Variants in PTPN12 observed in about 807,000 individuals in gnomAD.
PTPN12 encodes protein tyrosine phosphatase non-receptor type 12.
Under a neutral mutation model 97.6 loss-of-function variants are expected in PTPN12, and 29 were observed. The observed-to-expected ratio is 0.30, with a 90% CI of 0.22 to 0.41. The LOEUF (loss-of-function observed/expected upper bound fraction) is 0.41, where lower values mean the gene tolerates loss of function less well. Ranked by LOEUF, PTPN12 falls within the 10% of genes least tolerant of loss-of-function variation. The pLI, the probability that PTPN12 is intolerant of heterozygous loss-of-function variation, is 1.00. For missense variants in PTPN12, 819 were observed against 926.0 expected, an observed-to-expected ratio of 0.88 and a Z score of 1.50; for synonymous variants, 327 against 300.4, an observed-to-expected ratio of 1.09 and a Z score of -0.91.
At position 77,639,537 on chromosome 7, in the gene PTPN12, T is replaced by C. The variant is rs763272822; in HGVS notation, c.*257T>C. 2.4e-6 allele frequency: 1 copy of C among 413,262 alleles called. No individual in the cohort carries two copies. Among genetic ancestry groups the C allele is most frequent in the Non-Finnish European group, 4.3e-6 (1 of 232,498 alleles). The allele number at this position is 413,262 out of a possible 1,614,324, so 25.6% of individuals were successfully genotyped here. On this transcript the variant is annotated 3_prime_UTR_variant, in exon 18 of 18. Coordinates refer to ENST00000248594, the MANE Select transcript of PTPN12 (RefSeq NM_002835.4). Reference sequence around the variant, plus strand: ...TACACGCTGCTTGTAGACATGTTAATATAGTAATACCTTTATGATATATTG... The same window carrying C: ...TACACGCTGCTTGTAGACATGTTAACATAGTAATACCTTTATGATATATTG...
In PTPN12 at chr7:77,538,354, A is replaced by G. The variant is rs544700037; in HGVS notation, c.99+709A>G. On this transcript the variant is annotated intron_variant, in intron 1 of 17. Transcript: ENST00000248594. ...TCAGGGGATAAGTGTGGGTGGGGGA[A>G]TTATCCTGAAGGAAGCCAGCCGACT... Among the ~76,000 whole-genome samples, 3 of 146,878 alleles carry G rather than the reference A, an allele frequency of 2.0e-5. No individual in the cohort carries two copies. The East Asian group carries it at 6.3e-4, about 31-fold the overall frequency.
intron 1 of PTPN12, among the ~76,000 whole-genome samples, chr7:77,551,093 C>T (rs141051662): frequency 1.3e-5 from 2 of 152,268 alleles, no homozygotes; most frequent in African/African-American, 4.8e-5. Flanking sequence ...TGGAGTCTCG[C>T]TCTGTCACCC....
chr7:77,558,814 G>A (rs573268590), intron 1 of PTPN12, among the ~76,000 whole-genome samples: 109 of 152,326 alleles, frequency 7.2e-4, no homozygotes, highest in African/African-American at 2.5e-3. Context: ...CTTGAGGCCA[G>A]CTTGGGCCAC....
intron 12 of PTPN12, among the ~76,000 whole-genome samples, chr7:77,622,545 A>C (rs1788976891): frequency 6.6e-6 from 1 of 152,078 alleles, no homozygotes; most frequent in African/African-American, 2.4e-5. Flanking sequence ...TGAGGCGGGC[A>C]GATCACAAGG....
At chr7:77,554,218 G>C (rs922441572) in intron 1 of PTPN12, among the ~76,000 whole-genome samples, 1 of 152,178 alleles carries the variant, frequency 6.6e-6, no homozygotes, top group Non-Finnish European at 1.5e-5. Context: ...TCCTGCCTTG[G>C]CTTCCCAAAG....
intron 1 of PTPN12, chr7:77,564,062 A>G: frequency 3.9e-6 from 1 of 257,740 alleles, no homozygotes. Context: ...ATTTTTTGGT[A>G]GAGATTGGGT....
chr7:77,627,961 G>A (rs564929724), intron 13 of PTPN12, among the ~76,000 whole-genome samples: 15 of 151,836 alleles, frequency 9.9e-5, no homozygotes, highest in Admixed American at 3.3e-4. Context: ...TTTTTGTATC[G>A]GTCAAAAATT....
chr7:77,626,973 C>T lies in PTPN12; in HGVS notation c.1294C>T (p.Arg432Ter), dbSNP rs1364505513. 1 of 1,609,372 alleles carries T rather than the reference C, an allele frequency of 6.2e-7. No individual in the cohort carries two copies. The highest frequency in any genetic ancestry group is 8.5e-7 in the Non-Finnish European group (1 of 1,178,636). Reference protein sequence around the residue: ...TIEQIDKKLERNLSFEIKKVP... With the variant: ...TIEQIDKKLE ...TGAACAGATAGATAAAAAATTGGAA[C>T]GAAATTTAAGTTTTGAGATTAAGAA... Residue 432 changes from arginine (R) to a stop codon, truncating the protein, a stop_gained, in exon 13 of 18, where the codon CGA (arginine) becomes TGA (stop). Coordinates refer to ENST00000248594, the MANE Select transcript of PTPN12 (RefSeq NM_002835.4). LOFTEE classifies it high-confidence loss of function.
chr7:77,547,727 T>C (rs983553801), intron 1 of PTPN12, among the ~76,000 whole-genome samples: 1 of 152,228 alleles, frequency 6.6e-6, no homozygotes, highest in African/African-American at 2.4e-5. Context: ...GAATAGATCA[T>C]GGACAGTTTC....
At chr7:77,611,144 G>T in intron 11 of PTPN12, 98 bp downstream of exon 11, 3 of 898,222 alleles carry the variant, frequency 3.3e-6, no homozygotes, top group South Asian at 3.1e-5. Context: ...TGTCTAACAT[G>T]AGAAGAATAT....
chr7:77,606,044 T>A (rs1788363823), intron 8 of PTPN12, among the ~76,000 whole-genome samples: 1 of 140,104 alleles, frequency 7.1e-6, no homozygotes, highest in Admixed American at 7.9e-5. Flanking sequence ...AACCTCCACT[T>A]CCCCGGTTCA....
At chr7:77,547,043 CT>C (rs1807257887) in intron 1 of PTPN12, among the ~76,000 whole-genome samples, 1 of 152,144 alleles carries the variant, frequency 6.6e-6, no homozygotes, top group Non-Finnish European at 1.5e-5. Flanking sequence ...CCTGTAATAA[CT>C]TTTATATCTA....
chr7:77,604,225 T>TC, intron 8 of PTPN12, among the ~76,000 whole-genome samples: 1 of 125,804 alleles, frequency 7.9e-6, no homozygotes, highest in South Asian at 2.7e-4. Flanking sequence ...TTTTTTTTTT[T>TC]TTTTTTTTGA....
intron 1 of PTPN12, among the ~76,000 whole-genome samples, chr7:77,569,960 GCCA>G (rs1808405663): frequency 6.6e-6 from 1 of 152,150 alleles, no homozygotes; most frequent in Non-Finnish European, 1.5e-5. Flanking sequence ...ACAAGTGTGA[GCCA>G]CCATGCTCGG....
chr7:77,563,645 T>C (rs935190605), intron 1 of PTPN12, among the ~76,000 whole-genome samples: 3 of 152,178 alleles, frequency 2.0e-5, no homozygotes, highest in East Asian at 3.9e-4. Flanking sequence ...CCAAGACTCA[T>C]AAGACTGGCC....
At chr7:77,573,834 C>T (rs1330792147) in intron 2 of PTPN12, among the ~76,000 whole-genome samples, 3 of 152,316 alleles carry the variant, frequency 2.0e-5, no homozygotes, top group Non-Finnish European at 2.9e-5. Context: ...GATCTCCGCA[C>T]ACTATAACCT....
At chr7:77,598,301 A>C (rs1211980060) in intron 7 of PTPN12, among the ~76,000 whole-genome samples, 1 of 152,136 alleles carries the variant, frequency 6.6e-6, no homozygotes, top group Non-Finnish European at 1.5e-5. Context: ...TAGTATGCTC[A>C]CTCCTTTGGT....
chr7:77,552,299 T>C (rs914598455), intron 1 of PTPN12, among the ~76,000 whole-genome samples: 17 of 141,446 alleles, frequency 1.2e-4, no homozygotes, highest in African/African-American at 3.5e-4. Context: ...TTTTAAAGTA[T>C]GTTTTTTTTT....
intron 13 of PTPN12, among the ~76,000 whole-genome samples, chr7:77,631,259 C>T (rs1437545334): frequency 6.6e-6 from 1 of 152,104 alleles, no homozygotes; most frequent in African/African-American, 2.4e-5. Context: ...ACTGGAACTC[C>T]TCTTTCAGGA....
Sources: gnomAD v4.1 joint callset for allele counts (sites outside exome capture counted in the v4.1 genomes callset) on GRCh38, gnomAD v4.1.1 for gene constraint, MANE v1.5 for transcripts, NCBI Gene and HGNC (gene_info 2026-07-23, HGNC 2026-07-21) for gene names.